Variants in PADI1 observed in about 807,000 individuals in gnomAD.
PADI1 encodes peptidyl arginine deiminase 1, also known as protein-arginine deiminase type-1.
Under a neutral mutation model 74.8 loss-of-function variants are expected in PADI1, and 65 were observed. That is an observed-to-expected ratio of 0.87 (90% confidence interval 0.71 to 1.07). The LOEUF is 1.07. Among genes scored for constraint, PADI1 ranks in the 50% least tolerant of loss-of-function variants. The pLI, the probability that PADI1 is intolerant of heterozygous loss-of-function variation, is 0.00. For synonymous variants in PADI1, 371 were observed against 336.2 expected (o/e 1.10, Z -1.13); for missense variants, 943 against 854.0 (o/e 1.10, Z -1.30).
intron 1 of PADI1, among the ~76,000 whole-genome samples, chr1:17,208,109 G>T (rs1000863169): frequency 4.6e-5 from 7 of 152,214 alleles, no homozygotes; most frequent in Non-Finnish European, 7.4e-5. Flanking sequence ...GGCCAAGTAA[G>T]GGGTTTCTAG....
intron 1 of PADI1, among the ~76,000 whole-genome samples, chr1:17,208,140 G>A (rs972582252): frequency 5.9e-5 from 9 of 152,226 alleles, no homozygotes; most frequent in Non-Finnish European, 1.2e-4. Flanking sequence ...TGGTGGGAGG[G>A]GGGAAGCCCC....
chr1:17,240,122 G>A (rs2072743529), intron 14 of PADI1: 1 of 306,978 alleles, frequency 3.3e-6, no homozygotes, highest in Non-Finnish European at 6.2e-6. Context: ...GAGGGGCCCA[G>A]AGGTGGGGTG....
intron 1 of PADI1, among the ~76,000 whole-genome samples, chr1:17,215,953 T>C (rs2977284): frequency 0.14 from 20,943 of 152,170 alleles, 2,036 homozygotes; most frequent in African/African-American, 0.27. Context: ...TGGTGTCATT[T>C]GTGTCACGCC....
chr1:17,222,513 C>A (rs763643380), intron 2 of PADI1, 43 bp downstream of exon 2: 5 of 1,461,426 alleles, frequency 3.4e-6, no homozygotes, highest in South Asian at 1.1e-5. Context: ...GATCTCTCCA[C>A]CCCCATCCAA....
At chr1:17,239,883 C>T in intron 14 of PADI1, 100 bp downstream of exon 14, 1 of 937,758 alleles carries the variant, frequency 1.1e-6, no homozygotes, top group South Asian at 1.4e-5. Context: ...CGCTGGAGCT[C>T]TCATGGTCCT....
chr1:17,240,917 C>T (rs1251895062), intron 15 of PADI1, among the ~76,000 whole-genome samples, 157 bp downstream of exon 15: 2 of 152,194 alleles, frequency 1.3e-5, no homozygotes, highest in Non-Finnish European at 2.9e-5. Flanking sequence ...ATCAGTGGCT[C>T]TCAACCAGGG....
chr1:17,213,351 G>A (rs767588825), intron 1 of PADI1, among the ~76,000 whole-genome samples: 8 of 152,130 alleles, frequency 5.3e-5, no homozygotes, highest in Non-Finnish European at 8.8e-5. Context: ...AGCTCCCCGC[G>A]GCCTGGGCAT....
chr1:17,206,329 T>C (rs2071681811), intron 1 of PADI1, among the ~76,000 whole-genome samples: 1 of 152,198 alleles, frequency 6.6e-6, no homozygotes, highest in Non-Finnish European at 1.5e-5. Flanking sequence ...CCTCTGGTGA[T>C]CCTCTGCTCG....
At position 17,244,720 on chromosome 1, in the gene PADI1, C is replaced by T. The variant is rs1293609068; in HGVS notation, c.*477C>T. ...GGAAAGGGGATCAGAAACATCCTCT[C>T]CCCGCTCTAGGTTTCTTCTCCCAAA... is the stretch of plus-strand genomic sequence containing the variant. On this transcript the variant is annotated 3_prime_UTR_variant, in exon 16 of 16. Transcript: ENST00000375471. The T allele has an allele frequency of 2.9e-5, 10 of 348,420 alleles. No individual in the cohort carries two copies. Among genetic ancestry groups the T allele is most frequent in the Middle Eastern group, 1.0e-3 (1 of 970 alleles). 21.6% of individuals were successfully genotyped at this position (348,420 alleles called of 1,614,324 possible). A position where few individuals can be genotyped will look rare whatever the true frequency, so the allele number is the denominator to read the frequency against.
In PADI1 at chr1:17,232,967, C is replaced by G. The variant is rs2072538822; in HGVS notation, c.1310C>G (p.Pro437Arg). 3 of 1,603,138 alleles carry G rather than the reference C, an allele frequency of 1.9e-6. No homozygotes were observed. Among genetic ancestry groups the G allele is most frequent in the Non-Finnish European group, 2.6e-6 (3 of 1,176,090 alleles). Reference protein sequence around the residue: ...LGRILIGSSFPKSGGRQMARA... With the variant: ...LGRILIGSSFRKSGGRQMARA... ...CGGATCCTCATCGGGAGCAGCTTCC[C>G]CAAGTGAGGGGCTGGGGCGGGAGGT... is the stretch of plus-strand genomic sequence containing the variant. The change falls in exon 11 of 16, where the codon CCC becomes CGC. Residue 437 changes from proline (P) to arginine (R), a missense_variant. Coordinates refer to ENST00000375471, the MANE Select transcript of PADI1 (RefSeq NM_013358.3).
rs59602620 is a variant in PADI1 at position 17,213,845 on chromosome 1, C to A, written c.93-8445C>A. Among the ~76,000 whole-genome samples, 1,483 of 152,334 alleles carry A rather than the reference C, an allele frequency of 9.7e-3. 19 individuals carry two copies. Among genetic ancestry groups the A allele is most frequent in the African/African-American group, 0.031 (1,297 of 41,566 alleles). Reference sequence around the variant, plus strand: ...AGTTGGTTTTACACTCCTCATCCCGCCCTCCGCGTCTCCTTTTGTGAGATT... The same window carrying A: ...AGTTGGTTTTACACTCCTCATCCCGACCTCCGCGTCTCCTTTTGTGAGATT... On this transcript the variant is annotated intron_variant, in intron 1 of 15. Transcript: ENST00000375471.
chr1:17,225,147 G>A (rs373489001), intron 4 of PADI1, among the ~76,000 whole-genome samples: 1 of 152,206 alleles, frequency 6.6e-6, no homozygotes, highest in Non-Finnish European at 1.5e-5. Context: ...GTGGCCCTGT[G>A]CAATCCCAAG....
chr1:17,240,699 T>G lies in PADI1; in HGVS notation c.1697T>G (p.Val566Gly), dbSNP rs2072757059. The G allele has an allele frequency of 6.2e-7, 1 of 1,613,982 alleles. No homozygotes were observed. Among genetic ancestry groups the G allele is most frequent in the South Asian group, 1.1e-5 (1 of 91,078 alleles). Residue 566 changes from valine (V) to glycine (G), a missense_variant, in exon 15 of 16, where the codon GTG becomes GGG. Val to Gly is a moderately radical substitution (Grantham distance 109, BLOSUM62 -3). Coordinates refer to ENST00000375471, the MANE Select transcript of PADI1 (RefSeq NM_013358.3). ...CTGGGCCTGGCAGAGAGTGACATCG[T>G]GGACATTCCCCAGCTCTTCTTCCTG... ...RELGLAESDIVDIPQLFFLKN... is the reference protein window; with the variant it reads ...RELGLAESDIGDIPQLFFLKN...
chr1:17,215,654 T>G (rs1315030111), intron 1 of PADI1, among the ~76,000 whole-genome samples: 1 of 152,052 alleles, frequency 6.6e-6, no homozygotes, highest in East Asian at 1.9e-4. Context: ...GCCGACTGGA[T>G]TCAATCATGA....
rs191551244 is a variant in PADI1, at chr1:17,244,362, C to T, written c.*119C>T. On this transcript the variant is annotated 3_prime_UTR_variant, in exon 16 of 16. Transcript: ENST00000375471. ...GGGAGTCTTGGCACTTTGCAAACAT[C>T]CTGGCCACCATGGGCACCAGGACAC... 2 of 780,096 alleles carry T rather than the reference C, an allele frequency of 2.6e-6. No individual in the cohort carries two copies. The highest frequency in any genetic ancestry group is 5.3e-5 in the East Asian group (2 of 38,046). 48.3% of individuals were successfully genotyped at this position (780,096 alleles called of 1,614,324 possible). A position where few individuals can be genotyped will look rare whatever the true frequency, so the allele number is the denominator to read the frequency against.
chr1:17,210,613 G>A (rs2071809850), intron 1 of PADI1, among the ~76,000 whole-genome samples: 1 of 152,092 alleles, frequency 6.6e-6, no homozygotes, highest in Middle Eastern at 3.4e-3. Context: ...GCAATGACAG[G>A]GCATAAGGCA....
rs142588386 is a variant in PADI1 at position 17,225,121 on chromosome 1, G to T, written c.409-690G>T. ...ATCTACCCAGAGGGTGGGCAAGAGTGCCATAAAGGCTAACAGTGGCCCTGT... is the reference window on the plus strand; with the variant it reads ...ATCTACCCAGAGGGTGGGCAAGAGTTCCATAAAGGCTAACAGTGGCCCTGT... On this transcript the variant is annotated intron_variant, in intron 4 of 15. Transcript: ENST00000375471. 3.5e-3 allele frequency among the ~76,000 whole-genome samples: 535 copies of T among 152,330 alleles called. 5 individuals are homozygous for T. Among genetic ancestry groups the T allele is most frequent in the African/African-American group, 0.013 (524 of 41,576 alleles).
chr1:17,238,129 A>G (rs2072690367), intron 12 of PADI1, among the ~76,000 whole-genome samples: 1 of 152,064 alleles, frequency 6.6e-6, no homozygotes, highest in Admixed American at 6.6e-5. Context: ...GCTCACTACA[A>G]CCTTCACCTG....
intron 11 of PADI1, among the ~76,000 whole-genome samples, chr1:17,234,721 G>T (rs2072585488): frequency 6.6e-6 from 1 of 152,170 alleles, no homozygotes; most frequent in Non-Finnish European, 1.5e-5. Flanking sequence ...TCTAATGCTG[G>T]GGATACAGAA....
Sources: allele counts gnomAD v4.1 joint callset (sites outside exome capture counted in the v4.1 genomes callset), GRCh38; gene constraint gnomAD v4.1.1; transcripts MANE v1.5; gene names NCBI Gene and HGNC (gene_info 2026-07-23, HGNC 2026-07-21).